The following TMC6 variants were observed in gnomAD, a reference collection of about 807,000 sequenced individuals.
TMC6 encodes transmembrane channel like 6.
A neutral mutation model predicts 95.4 loss-of-function variants in TMC6; 71 were observed. That is an observed-to-expected ratio of 0.74 (90% CI 0.61 to 0.91). The LOEUF (loss-of-function observed/expected upper bound fraction) is 0.91, where lower values mean the gene tolerates loss of function less well. Among genes scored for constraint, TMC6 ranks in the 40% least tolerant of loss-of-function variants. The pLI is 0.00. For synonymous variants in TMC6, 514 were observed against 483.1 expected (o/e 1.06, Z -0.84); for missense variants, 1,074 against 1,079.1 (o/e 1.00, Z 0.07).
chr17:78,125,968 C>A, intron 4 of TMC6, 84 bp from the exon 5 acceptor site: 1 of 1,523,282 alleles, frequency 6.6e-7, no homozygotes, highest in Non-Finnish European at 8.9e-7. Flanking sequence ...GCCTCTGCGT[C>A]CCTCACCCCT....
intron 18 of TMC6, among the ~76,000 whole-genome samples, chr17:78,114,347 A>G (rs569368527): frequency 1.3e-5 from 2 of 152,274 alleles, no homozygotes; most frequent in African/African-American, 4.8e-5. Context: ...ACGATAATCT[A>G]GGGCCATCTC....
Position 78,120,688 on chromosome 17 carries a change from C to T in TMC6, c.1680G>A (p.Met560Ile), listed in dbSNP as rs764327372. ...YRFLVMDFVL[M>I]LLDTLFGELV... The stretch of plus-strand genomic sequence containing the variant: ...GTTCCCCAAAAAGCGTGTCCAGCAA[C>T]ATGAGGACGAAGTCCATCACCAGGA... The change falls in exon 13 of 20, where the codon ATG becomes ATA. Residue 560 changes from methionine (M) to isoleucine (I), a missense_variant. By Grantham distance (10) the Met-to-Ile change is conservative. Transcript: ENST00000590602. 6.2e-7 allele frequency: 1 copy of T among 1,614,050 alleles called. No individual in the cohort carries two copies. Among genetic ancestry groups the T allele is most frequent in the South Asian group, 1.1e-5 (1 of 91,088 alleles).
Position 78,122,471 on chromosome 17 carries a change from A to G in TMC6, c.1227+134T>C. Reference sequence around the variant, plus strand: ...TGCAAGCAGAAGACCACGCCTGCCCAGCGCCCCGAGTTCAGCTCACGGACA... The same window carrying G: ...TGCAAGCAGAAGACCACGCCTGCCCGGCGCCCCGAGTTCAGCTCACGGACA... On this transcript the variant is annotated intron_variant, in intron 10 of 19. Transcript: ENST00000590602. This position sits in a 1 kb window ranked among gnomAD's most constrained non-coding sequence, Gnocchi z 4.9. 1 of 1,362,840 alleles carries G rather than the reference A, an allele frequency of 7.3e-7. No homozygotes were observed. The highest frequency in any genetic ancestry group is 9.9e-7 in the Non-Finnish European group (1 of 1,008,180). 84.4% of individuals were successfully genotyped at this position (1,362,840 alleles called of 1,614,324 possible). A position where few individuals can be genotyped will look rare whatever the true frequency, so the allele number is the denominator to read the frequency against.
chr17:78,120,572 A>G (rs1035741632), intron 13 of TMC6, 81 bp downstream of exon 13: 4 of 1,597,856 alleles, frequency 2.5e-6, no homozygotes, highest in Admixed American at 1.7e-5. Flanking sequence ...GGAAAGGTCC[A>G]GGCCTGAGAA....
rs1446834282 is a variant in TMC6 at position 78,128,036 on chromosome 17, C to A, written c.-75+576G>T. 6.6e-6 allele frequency among the ~76,000 whole-genome samples: 1 copy of A among 152,254 alleles called. No individual in the cohort carries two copies. The highest frequency in any genetic ancestry group is 1.5e-5 in the Non-Finnish European group (1 of 68,036). ...TGGAATCCCTTCCTCCAGACAGGCC[C>A]TTCTAAGCTCAGGGAACCCGGGGAC... is the stretch of plus-strand genomic sequence containing the variant. On this transcript the variant is annotated intron_variant, in intron 1 of 19. Transcript: ENST00000590602. This position sits in a 1 kb window ranked among gnomAD's most constrained non-coding sequence, Gnocchi z 4.0.
At position 78,113,076 on chromosome 17, in the gene TMC6, A is replaced by G; in HGVS notation, c.*72T>C. 6.6e-7 allele frequency: 1 copy of G among 1,517,266 alleles called. No individual in the cohort carries two copies. The highest frequency in any genetic ancestry group is 9.0e-7 in the Non-Finnish European group (1 of 1,117,166). 94.0% of individuals were successfully genotyped at this position (1,517,266 alleles called of 1,614,324 possible). On this transcript the variant is annotated 3_prime_UTR_variant, in exon 20 of 20. Transcript: ENST00000590602. Reference sequence around the variant, plus strand: ...ACTGTCTTCCTTGTCCTGGTGTCCCAGCAGGGTCACTGGGAGGCAACAGTG... The same window carrying G: ...ACTGTCTTCCTTGTCCTGGTGTCCCGGCAGGGTCACTGGGAGGCAACAGTG...
chr17:78,131,343 T>G, upstream of TMC6: 7 of 586,872 alleles, frequency 1.2e-5, no homozygotes, highest in African/African-American at 3.8e-5. Flanking sequence ...TGGGCCCGAA[T>G]TCGACCGCAG....
chr17:78,115,196 A>G (rs992588779), intron 18 of TMC6, among the ~76,000 whole-genome samples: 1 of 152,198 alleles, frequency 6.6e-6, no homozygotes, highest in Non-Finnish European at 1.5e-5. Flanking sequence ...AGCTGGGACG[A>G]GCTGCCTGGA....
rs1175096454 is a variant in TMC6, at chr17:78,112,406, G to T, written c.*742C>A. 1.2e-5 allele frequency: 2 copies of T among 172,832 alleles called. No individual in the cohort carries two copies. Among genetic ancestry groups the T allele is most frequent in the Non-Finnish European group, 2.5e-5 (2 of 79,530 alleles). The allele number at this position is 172,832 out of a possible 1,614,324, so 10.7% of individuals were successfully genotyped here. ...AGCCTACGGTTTTCGGTATCCCACGGGCTCCTCAAACTCAGCCCAGTCAGA... is the reference window on the plus strand; with the variant it reads ...AGCCTACGGTTTTCGGTATCCCACGTGCTCCTCAAACTCAGCCCAGTCAGA... On this transcript the variant is annotated 3_prime_UTR_variant, in exon 20 of 20. Transcript: ENST00000590602.
At position 78,124,506 on chromosome 17, in the gene TMC6, G is replaced by A; in HGVS notation, c.891+18C>T. The A allele has an allele frequency of 6.2e-7, 1 of 1,607,088 alleles. No homozygotes were observed. The highest frequency in any genetic ancestry group is 8.5e-7 in the Non-Finnish European group (1 of 1,179,738). ...GAAGACAGGCACCCCCCGTCCCCCAGTCCTAGGGCTTCCTCACCGCGCCTG... is the reference window on the plus strand; with the variant it reads ...GAAGACAGGCACCCCCCGTCCCCCAATCCTAGGGCTTCCTCACCGCGCCTG... On this transcript the variant is annotated intron_variant, in intron 8 of 19. Transcript: ENST00000590602.
At chr17:78,118,260 G>C in intron 15 of TMC6, 1 of 442,012 alleles carries the variant, frequency 2.3e-6, no homozygotes, top group East Asian at 4.6e-5. Flanking sequence ...GGCCAGACGA[G>C]ACAGGAGCCA....
upstream of TMC6, chr17:78,132,421 C>T (rs1234202350): frequency 1.2e-6 from 2 of 1,612,738 alleles, no homozygotes; most frequent in Non-Finnish European, 8.5e-7. Context: ...GCTACTCAAC[C>T]TGCTGAGCCT....
At chr17:78,127,864 C>A (rs1313459473) in intron 1 of TMC6, among the ~76,000 whole-genome samples, 1 of 152,230 alleles carries the variant, frequency 6.6e-6, no homozygotes, top group African/African-American at 2.4e-5. Flanking sequence ...CATCTTCGGG[C>A]CCAGGCCCCA....
At chr17:78,120,960 A>T in intron 12 of TMC6, 53 bp downstream of exon 12, 2 of 1,612,884 alleles carry the variant, frequency 1.2e-6, no homozygotes, top group Non-Finnish European at 1.7e-6. Flanking sequence ...CCGGAGCTAA[A>T]CAACCAGTAT....
chr17:78,115,680 G>GGACCAGCTGCC (rs1567983018), intron 18 of TMC6, among the ~76,000 whole-genome samples: 3 of 113,758 alleles, frequency 2.6e-5, no homozygotes, highest in African/African-American at 1.1e-4. Flanking sequence ...GTGGGCACAG[G>GGACCAGCTGCC]GGCGAAGGGA....
At chr17:78,119,677 C>T (rs556977096) in intron 13 of TMC6, 59 of 475,626 alleles carry the variant, frequency 1.2e-4, no homozygotes, top group Admixed American at 2.6e-4. Flanking sequence ...CTCTGTTGTC[C>T]GGGCTGGAGC....
chr17:78,131,199 G>A, upstream of TMC6: 1 of 347,528 alleles, frequency 2.9e-6, no homozygotes, highest in South Asian at 2.5e-5. Flanking sequence ...AGGTGGATGC[G>A]GGGTGCAGCA....
At chr17:78,117,104 G>A (rs762393666) in intron 18 of TMC6, among the ~76,000 whole-genome samples, 165 bp downstream of exon 18, 26 of 152,166 alleles carry the variant, frequency 1.7e-4, no homozygotes, top group Non-Finnish European at 3.2e-4. Flanking sequence ...CGGCTACTTC[G>A]TCACTTGATC....
intron 8 of TMC6, 66 bp downstream of exon 8, chr17:78,124,458 G>A (rs2074592064): frequency 1.3e-6 from 2 of 1,595,396 alleles, no homozygotes; most frequent in Non-Finnish European, 1.7e-6. Context: ...GGGACAAGAA[G>A]GGAACACGGT....
Sources: allele counts gnomAD v4.1 joint callset (sites outside exome capture counted in the v4.1 genomes callset), GRCh38; gene constraint gnomAD v4.1.1; non-coding constraint Gnocchi (gnomAD v3.1); transcripts MANE v1.5; gene names NCBI Gene and HGNC (gene_info 2026-07-23, HGNC 2026-07-21).